The following TDRD5 variants were observed in gnomAD, a reference collection of about 807,000 sequenced individuals.
TDRD5 encodes the protein tudor domain-containing protein 5.
A neutral mutation model predicts 120.6 loss-of-function variants in TDRD5; 41 were observed. The observed-to-expected ratio is 0.34, with a 90% CI of 0.26 to 0.44. TDRD5 has a LOEUF of 0.44. TDRD5 is among the 20% of genes least tolerant of loss of function. TDRD5 has a pLI of 1.00. For missense variants in TDRD5, 1,006 were observed against 1,221.2 expected (o/e 0.82, Z 2.63); for synonymous variants, 430 against 433.7 (o/e 0.99, Z 0.11).
At chr1:179,686,878 C>A (rs1285955836) in intron 17 of TDRD5, among the ~76,000 whole-genome samples, 3 of 152,192 alleles carry the variant, frequency 2.0e-5, no homozygotes, top group African/African-American at 7.2e-5. Flanking sequence ...TCTGTGGGAT[C>A]AGTGGTGATA....
intron 4 of TDRD5, among the ~76,000 whole-genome samples, chr1:179,615,043 GT>G (rs1676491032): frequency 6.6e-6 from 1 of 152,036 alleles, no homozygotes; most frequent in Admixed American, 6.6e-5. Context: ...CCACCCCTCA[GT>G]GTCTGGTAAC....
chr1:179,689,104 G>C (rs1192062455), intron 17 of TDRD5, among the ~76,000 whole-genome samples: 1 of 152,202 alleles, frequency 6.6e-6, no homozygotes, highest in Non-Finnish European at 1.5e-5. Context: ...GAGGAGCTGC[G>C]TTCCTTTGGA....
At chr1:179,611,314 T>C (rs540054852) in intron 4 of TDRD5, among the ~76,000 whole-genome samples, 4 of 152,242 alleles carry the variant, frequency 2.6e-5, no homozygotes, top group Non-Finnish European at 5.9e-5. Flanking sequence ...CCCAAAGTGC[T>C]GGGATTATAG....
In TDRD5 at chr1:179,691,036, T is replaced by C. The variant is rs889082758; in HGVS notation, c.*93T>C. 1.0e-5 allele frequency: 15 copies of C among 1,464,448 alleles called. No homozygotes were observed. Among genetic ancestry groups the C allele is most frequent in the Non-Finnish European group, 1.3e-5 (14 of 1,108,420 alleles). The allele number at this position is 1,464,448 out of a possible 1,614,324, so 90.7% of individuals were successfully genotyped here. On this transcript the variant is annotated 3_prime_UTR_variant, in exon 18 of 18. Transcript: ENST00000444136. ...ATGAGGAGTTATTGAAGCAAAATAGTATCTTGATCATTGATACTTTTGTCT... is the reference window on the plus strand; with the variant it reads ...ATGAGGAGTTATTGAAGCAAAATAGCATCTTGATCATTGATACTTTTGTCT...
At chr1:179,642,571 C>T (rs533780511) in intron 11 of TDRD5, among the ~76,000 whole-genome samples, 13 of 152,300 alleles carry the variant, frequency 8.5e-5, no homozygotes, top group South Asian at 8.3e-4. Context: ...AAAATGCACC[C>T]TTCAGTCATT....
At chr1:179,634,657 G>A in intron 8 of TDRD5, 28 bp downstream of exon 8, 4 of 1,573,876 alleles carry the variant, frequency 2.5e-6, no homozygotes, top group Non-Finnish European at 3.4e-6. Flanking sequence ...ACTGTGCACT[G>A]GAGATTCAGC....
chr1:179,646,893 G>A (rs1306456583), intron 11 of TDRD5, among the ~76,000 whole-genome samples: 1 of 151,022 alleles, frequency 6.6e-6, no homozygotes, highest in Non-Finnish European at 1.5e-5. Context: ...CAACTTACAA[G>A]GGATGTGAAG....
Position 179,662,105 on chromosome 1 carries a change from A to T in TDRD5, c.2324A>T (p.Asp775Val). 6.5e-7 allele frequency: 1 copy of T among 1,546,084 alleles called. No homozygotes were observed. Residue 775 changes from aspartate (D) to valine (V), a missense_variant and splice_region_variant, in exon 15 of 18, where the codon GAT becomes GTT. By Grantham distance (152) the Asp-to-Val change is radical. This residue lies in a region of TDRD5 where 403 missense variants were observed against 448.1 expected (regional missense o/e 0.90). Transcript: ENST00000444136. ...TCTTTGTCTTCTGTTACATTTTAGGATGAGATCCCCACTGGAATGCCATGC... is the reference window on the plus strand; with the variant it reads ...TCTTTGTCTTCTGTTACATTTTAGGTTGAGATCCCCACTGGAATGCCATGC... ...EPNDLKEENEDEIPTGMPCLE... is the reference protein window; with the variant it reads ...EPNDLKEENEVEIPTGMPCLE...
intron 13 of TDRD5, among the ~76,000 whole-genome samples, chr1:179,652,543 A>G (rs1337536688): frequency 6.6e-6 from 1 of 152,134 alleles, no homozygotes; most frequent in African/African-American, 2.4e-5. Context: ...CCTTCCCAGT[A>G]ATAATAATAT....
intron 4 of TDRD5, among the ~76,000 whole-genome samples, chr1:179,612,194 A>T (rs2101948023): frequency 6.6e-6 from 1 of 152,308 alleles, no homozygotes; most frequent in East Asian, 1.9e-4. Flanking sequence ...AGAAAATATT[A>T]TTAAAATGAA....
At chr1:179,626,168 C>CT (rs774663392) in intron 6 of TDRD5, among the ~76,000 whole-genome samples, 10 of 151,868 alleles carry the variant, frequency 6.6e-5, no homozygotes, top group Non-Finnish European at 1.2e-4. Context: ...ACATATGTAA[C>CT]TAACCTGCAC....
intron 9 of TDRD5, among the ~76,000 whole-genome samples, chr1:179,637,117 C>T (rs887112884): frequency 6.6e-6 from 1 of 152,128 alleles, no homozygotes; most frequent in African/African-American, 2.4e-5. Context: ...AAATTGTTGT[C>T]ATAGAAGAAT....
In TDRD5 at chr1:179,645,498, T is replaced by A. The variant is rs1678306443; in HGVS notation, c.1800+5053T>A. ...AGCCCTTTAAATATGCAGAGGCTGA[T>A]AGATGGTCCAGTATAGTGTCACTTT... On this transcript the variant is annotated intron_variant, in intron 11 of 17. Transcript: ENST00000444136. 2.0e-5 allele frequency among the ~76,000 whole-genome samples: 3 copies of A among 152,366 alleles called. No individual in the cohort carries two copies. In the South Asian group the frequency reaches 6.2e-4, roughly 32 times the overall value.
intron 6 of TDRD5, among the ~76,000 whole-genome samples, chr1:179,629,224 A>G (rs569904916): frequency 5.9e-5 from 9 of 152,272 alleles, no homozygotes; most frequent in Admixed American, 5.9e-4. Flanking sequence ...TAACAACCCA[A>G]TATAAAACTC....
At chr1:179,654,441 ACT>A in intron 14 of TDRD5, 79 bp downstream of exon 14, 1 of 1,367,814 alleles carries the variant, frequency 7.3e-7, no homozygotes, top group Non-Finnish European at 9.6e-7. Flanking sequence ...ACTGGAATAA[ACT>A]CTGTTTAAAC....
At chr1:179,636,898 A>G (rs1677793527) in intron 9 of TDRD5, among the ~76,000 whole-genome samples, 1 of 152,192 alleles carries the variant, frequency 6.6e-6, no homozygotes, top group African/African-American at 2.4e-5. Context: ...TCAGCTTGCT[A>G]GTGGTTCTTT....
chr1:179,663,605 T>TACAGCA, intron 16 of TDRD5, 114 bp downstream of exon 16: 1 of 1,359,990 alleles, frequency 7.4e-7, no homozygotes, highest in Non-Finnish European at 9.7e-7. Context: ...TCTTAACAGC[T>TACAGCA]TGCTGTAGCT....
chr1:179,668,178 C>A lies in TDRD5; in HGVS notation c.2650-1016C>A, dbSNP rs145704638. ...TCATAATGGTTAAAATTTGGCACTC[C>A]CTTCATTTAAGCTCAAGTTCAATCT... On this transcript the variant is annotated intron_variant, in intron 16 of 17. Coordinates refer to ENST00000444136, the MANE Select transcript of TDRD5 (RefSeq NM_001199085.3). Among the ~76,000 whole-genome samples, 417 of 152,216 alleles carry A rather than the reference C, an allele frequency of 2.7e-3. 3 individuals are homozygous for A. The highest frequency in any genetic ancestry group is 9.5e-3 in the African/African-American group (394 of 41,530).
intron 14 of TDRD5, among the ~76,000 whole-genome samples, chr1:179,659,592 C>CGT (rs1304043741): frequency 1.5e-5 from 1 of 67,968 alleles, no homozygotes; most frequent in Non-Finnish European, 3.6e-5. Flanking sequence ...TGTGTGTGTG[C>CGT]GCGCGCTTGC....
Sources: gnomAD v4.1 joint callset for allele counts (sites outside exome capture counted in the v4.1 genomes callset) on GRCh38, gnomAD v4.1.1 for gene constraint, gnomAD v4.1.1 regional missense constraint, MANE v1.5 for transcripts, NCBI Gene and HGNC (gene_info 2026-07-23, HGNC 2026-07-21) for gene names.